The following KATNAL1 variants were observed in gnomAD, a reference collection of about 807,000 sequenced individuals.
The protein encoded by KATNAL1 is katanin catalytic subunit A1 like 1.
In KATNAL1, 32 loss-of-function variants were observed where a neutral mutation model predicts 55.2. The observed-to-expected ratio is 0.58, with a 90% confidence interval of 0.44 to 0.78. The LOEUF (loss-of-function observed/expected upper bound fraction) is 0.78, where lower values mean the gene tolerates loss of function less well. Ranked by LOEUF, KATNAL1 falls within the 30% of genes least tolerant of loss-of-function variation. The pLI is 0.00. For synonymous variants in KATNAL1, 193 were observed against 193.6 expected (o/e 1.00, Z 0.02); for missense variants, 466 against 600.9 (o/e 0.78, Z 2.35).
chr13:30,282,599 C>T (rs1239295281), intron 2 of KATNAL1, among the ~76,000 whole-genome samples: 6 of 151,174 alleles, frequency 4.0e-5, no homozygotes, highest in African/African-American at 1.2e-4. Context: ...GATGGCACCA[C>T]TGCACTCTAG....
At chr13:30,259,927 GACAA>G (rs1879129525) in intron 3 of KATNAL1, among the ~76,000 whole-genome samples, 1 of 152,212 alleles carries the variant, frequency 6.6e-6, no homozygotes, top group African/African-American at 2.4e-5. Context: ...GCAGGGCACA[GACAA>G]ACAAAAAGAC....
intron 4 of KATNAL1, among the ~76,000 whole-genome samples, chr13:30,246,765 T>C (rs768267731): frequency 2.0e-4 from 31 of 152,110 alleles, no homozygotes; most frequent in Non-Finnish European, 8.8e-5. Context: ...AAAGAAGATA[T>C]TTATGTGGCC....
rs187401158 is a variant in KATNAL1 at position 30,262,988 on chromosome 13, G to A, written c.324-7373C>T. 2.9e-3 allele frequency among the ~76,000 whole-genome samples: 437 copies of A among 152,244 alleles called. 4 individuals carry two copies. Among genetic ancestry groups the A allele is most frequent in the African/African-American group, 9.9e-3 (412 of 41,552 alleles). ...ATCCTCAATAAAATACTGGCAAACC[G>A]AATCCAGCAGTACATCTAAAAGCTT... On this transcript the variant is annotated intron_variant, in intron 3 of 10. Coordinates refer to ENST00000380615, the MANE Select transcript of KATNAL1 (RefSeq NM_032116.5).
Position 30,208,316 on chromosome 13 carries a change from G to C in KATNAL1, c.*224C>G. On this transcript the variant is annotated 3_prime_UTR_variant, in exon 11 of 11. Transcript: ENST00000380615. The stretch of plus-strand genomic sequence containing the variant: ...GTTTGGGTGTGCAATATTAATGCAG[G>C]AATACGTGGAATACCAGCACAAAGC... 2.2e-6 allele frequency: 1 copy of C among 456,820 alleles called. No homozygotes were observed. Among genetic ancestry groups the C allele is most frequent in the East Asian group, 3.7e-5 (1 of 26,672 alleles). The allele number at this position is 456,820 out of a possible 1,614,324, so 28.3% of individuals were successfully genotyped here.
At position 30,265,120 on chromosome 13, in the gene KATNAL1, A is replaced by T. The variant is rs868813625; in HGVS notation, c.324-9505T>A. 1.0e-2 allele frequency among the ~76,000 whole-genome samples: 1,506 copies of T among 151,304 alleles called. 22 individuals carry two copies. The highest frequency in any genetic ancestry group is 0.033 in the African/African-American group (1,375 of 41,260). On this transcript the variant is annotated intron_variant, in intron 3 of 10. Coordinates refer to ENST00000380615, the MANE Select transcript of KATNAL1 (RefSeq NM_032116.5). ...TCATCATTCTCAGTAAACTATCGCA[A>T]GAACAAAAAACCAAACACCGCATAT...
At chr13:30,274,747 GTGTGTCA>G (rs1281191644) in intron 3 of KATNAL1, among the ~76,000 whole-genome samples, 5 of 152,132 alleles carry the variant, frequency 3.3e-5, no homozygotes, top group Non-Finnish European at 7.4e-5. Context: ...AATGAAATCA[GTGTGTCA>G]GATCTCTGCA....
chr13:30,283,822 A>T (rs753588916), intron 1 of KATNAL1, 31 bp from the exon 2 acceptor site: 8 of 1,457,432 alleles, frequency 5.5e-6, no homozygotes, highest in Admixed American at 2.0e-5. Context: ...CTTTTTAAAA[A>T]TTTTCAGCAC....
At chr13:30,209,328 T>C (rs1426872472) in intron 10 of KATNAL1, among the ~76,000 whole-genome samples, 1 of 152,170 alleles carries the variant, frequency 6.6e-6, no homozygotes, top group Non-Finnish European at 1.5e-5. Flanking sequence ...TAATTCATAA[T>C]CACAAAAAAG....
chr13:30,252,818 C>A (rs1347644521), intron 4 of KATNAL1, among the ~76,000 whole-genome samples: 1 of 151,964 alleles, frequency 6.6e-6, no homozygotes, highest in African/African-American at 2.4e-5. Context: ...TCTCAGCTCA[C>A]TGCAACCTCT....
chr13:30,289,506 A>T (rs771434324), intron 1 of KATNAL1, among the ~76,000 whole-genome samples: 1 of 152,168 alleles, frequency 6.6e-6, no homozygotes, highest in African/African-American at 2.4e-5. Flanking sequence ...CTGGAATAAG[A>T]TATTCCTTTT....
chr13:30,258,568 G>A (rs1878976250), intron 3 of KATNAL1, among the ~76,000 whole-genome samples: 1 of 152,166 alleles, frequency 6.6e-6, no homozygotes, highest in Non-Finnish European at 1.5e-5. Context: ...GATTCTGTAA[G>A]TCCAATTTAT....
intron 4 of KATNAL1, among the ~76,000 whole-genome samples, chr13:30,242,506 G>A (rs1351090697): frequency 2.0e-5 from 3 of 152,136 alleles, no homozygotes; most frequent in South Asian, 2.1e-4. Context: ...TGGGGGAAAC[G>A]AGTAACAAGT....
chr13:30,223,826 G>C (rs754233256), intron 9 of KATNAL1, among the ~76,000 whole-genome samples: 3 of 152,106 alleles, frequency 2.0e-5, no homozygotes, highest in Non-Finnish European at 4.4e-5. Flanking sequence ...AATCAGCAAG[G>C]ATCTTATTAT....
chr13:30,304,279 T>C (rs1883045283), intron 1 of KATNAL1, among the ~76,000 whole-genome samples: 1 of 151,602 alleles, frequency 6.6e-6, no homozygotes, highest in African/African-American at 2.4e-5. Context: ...TTTTTTTTTT[T>C]TTTTTTCCTG....
intron 3 of KATNAL1, among the ~76,000 whole-genome samples, chr13:30,260,326 C>A (rs1043608510): frequency 2.6e-5 from 4 of 152,178 alleles, no homozygotes; most frequent in Admixed American, 1.3e-4. Flanking sequence ...CTCTCCTCCT[C>A]CAAAGGAATG....
intron 9 of KATNAL1, 149 bp downstream of exon 9, chr13:30,227,263 A>G (rs1875590195): frequency 3.7e-6 from 2 of 541,766 alleles, no homozygotes; most frequent in Non-Finnish European, 6.2e-6. Flanking sequence ...ATTTCAATAG[A>G]GTACTGTGGC....
At chr13:30,271,423 G>A (rs7317046) in intron 3 of KATNAL1, among the ~76,000 whole-genome samples, 4,810 of 152,168 alleles carry the variant, frequency 0.032, 256 homozygotes, top group African/African-American at 0.11. Context: ...TCAGCTTCTG[G>A]AGAGGCCTCA....
intron 3 of KATNAL1, among the ~76,000 whole-genome samples, chr13:30,258,408 T>C (rs1333316310): frequency 6.6e-6 from 1 of 152,256 alleles, no homozygotes. Flanking sequence ...TTTGCAAATA[T>C]CTTCTCCCAG....
intron 9 of KATNAL1, among the ~76,000 whole-genome samples, chr13:30,213,530 T>C (rs1315355548): frequency 6.6e-6 from 1 of 152,122 alleles, no homozygotes; most frequent in African/African-American, 2.4e-5. Context: ...CTCAATAAAA[T>C]ACTGGCAAAC....
Sources: allele counts gnomAD v4.1 joint callset (sites outside exome capture counted in the v4.1 genomes callset), GRCh38; gene constraint gnomAD v4.1.1; transcripts MANE v1.5; gene names NCBI Gene and HGNC (gene_info 2026-07-23, HGNC 2026-07-21).